NCAM1: variants seen among roughly 807,000 people sequenced by gnomAD.
NCAM1 encodes neural cell adhesion molecule 1.
Under a neutral mutation model 109.8 loss-of-function variants are expected in NCAM1, and 14 were observed. That is an observed-to-expected ratio of 0.13 (90% confidence interval 0.08 to 0.20). The LOEUF (loss-of-function observed/expected upper bound fraction) is 0.20, where lower values mean the gene tolerates loss of function less well. Among genes scored for constraint, NCAM1 ranks in the 10% least tolerant of loss-of-function variants. NCAM1 has a pLI of 1.00. For missense variants in NCAM1, 774 were observed against 1,109.9 expected, an observed-to-expected ratio of 0.70 and a Z score of 4.30; for synonymous variants, 418 against 442.9, an observed-to-expected ratio of 0.94 and a Z score of 0.70.
intron 1 of NCAM1, among the ~76,000 whole-genome samples, chr11:113,052,162 CA>C (rs150922311): frequency 0.01 from 1,529 of 152,236 alleles, 23 homozygotes; most frequent in African/African-American, 0.035. Context: ...TAATCGAATC[CA>C]ATCCTTAGCT....
chr11:113,170,911 G>A (rs782586044), intron 1 of NCAM1, among the ~76,000 whole-genome samples: 30 of 152,210 alleles, frequency 2.0e-4, no homozygotes, highest in African/African-American at 5.1e-4. Flanking sequence ...AATCTGAGCC[G>A]ATGTTGGTGT....
chr11:113,274,657 A>AG lies in NCAM1; in HGVS notation c.2457-608dup, dbSNP rs1180611872. On this transcript the variant is annotated intron_variant, in intron 19 of 19. Transcript: ENST00000316851. This position sits in a 1 kb window ranked among gnomAD's most constrained non-coding sequence, Gnocchi z 4.1. ...TGCCCTCAACTCTCGCATAGCCACC[A>AG]GGCCCACTCTAGTACCCCACCAGGC... Among the ~76,000 whole-genome samples the AG allele has an allele frequency of 6.6e-6, 1 of 152,176 alleles. No homozygotes were observed. Among genetic ancestry groups the AG allele is most frequent in the African/African-American group, 2.4e-5 (1 of 41,442 alleles).
intron 1 of NCAM1, among the ~76,000 whole-genome samples, chr11:113,155,305 G>A (rs1336599882): frequency 6.6e-6 from 1 of 152,016 alleles, no homozygotes; most frequent in Non-Finnish European, 1.5e-5. Flanking sequence ...ATCACTTGAG[G>A]TCATGAGTTC....
intron 9 of NCAM1, among the ~76,000 whole-genome samples, chr11:113,224,803 G>A (rs1944790888): frequency 6.6e-6 from 1 of 152,222 alleles, no homozygotes; most frequent in African/African-American, 2.4e-5. Context: ...AGCCTCCGCT[G>A]CTGATACCCA....
intron 1 of NCAM1, among the ~76,000 whole-genome samples, chr11:113,055,067 G>A (rs781320866): frequency 2.0e-5 from 3 of 152,116 alleles, no homozygotes; most frequent in Non-Finnish European, 4.4e-5. Flanking sequence ...GATTGCTGGC[G>A]CATGAAGCAC....
intron 18 of NCAM1, among the ~76,000 whole-genome samples, chr11:113,271,274 G>C (rs1946263823): frequency 6.6e-6 from 1 of 150,510 alleles, no homozygotes; most frequent in South Asian, 2.1e-4. Context: ...GGAGGCTGAG[G>C]CTGGAGAATC....
At chr11:113,057,766 G>T (rs1953763831) in intron 1 of NCAM1, among the ~76,000 whole-genome samples, 2 of 152,132 alleles carry the variant, frequency 1.3e-5, no homozygotes, top group Non-Finnish European at 2.9e-5. Context: ...AAAATAACAG[G>T]TTTACCATGG....
chr11:113,108,731 G>A (rs1430175434), intron 1 of NCAM1, among the ~76,000 whole-genome samples: 1 of 149,826 alleles, frequency 6.7e-6, no homozygotes, highest in Admixed American at 6.6e-5. Context: ...ATGGGGTAGG[G>A]TCCAGAGATG....
At chr11:113,251,058 C>T (rs537684512) in intron 15 of NCAM1, among the ~76,000 whole-genome samples, 1 of 152,356 alleles carries the variant, frequency 6.6e-6, no homozygotes, top group East Asian at 1.9e-4. Context: ...ACCTCAGCCT[C>T]CCAAAGTGCT....
intron 1 of NCAM1, among the ~76,000 whole-genome samples, chr11:113,181,071 G>T (rs1943315868): frequency 6.6e-6 from 1 of 152,224 alleles, no homozygotes; most frequent in Admixed American, 6.5e-5. Flanking sequence ...TGACTCTACT[G>T]CTGGGGCTTC....
rs139720434 is a variant in NCAM1, at chr11:113,014,595, A to G, written c.52+52931A>G. On this transcript the variant is annotated intron_variant, in intron 1 of 19. Transcript: ENST00000316851. ...GAATGCTGTAGTGAAACACAAAACT[A>G]TATGTTATAAACGTCAACATAAGAG... 1.3e-3 allele frequency among the ~76,000 whole-genome samples: 205 copies of G among 152,322 alleles called. 2 individuals are homozygous for G. The highest frequency in any genetic ancestry group is 4.8e-3 in the African/African-American group (200 of 41,552).
chr11:113,007,746 AACACT>A (rs1673301668), intron 1 of NCAM1, among the ~76,000 whole-genome samples: 1 of 152,220 alleles, frequency 6.6e-6, no homozygotes, highest in African/African-American at 2.4e-5. Context: ...ACAACAGTGA[AACACT>A]CTTACCAGAT....
At chr11:113,052,681 G>A (rs1953548459) in intron 1 of NCAM1, among the ~76,000 whole-genome samples, 1 of 152,270 alleles carries the variant, frequency 6.6e-6, no homozygotes, top group South Asian at 2.1e-4. Context: ...TAGATTTTCT[G>A]TTGTTTATTA....
intron 7 of NCAM1, among the ~76,000 whole-genome samples, chr11:113,209,186 A>G (rs1555113334): frequency 6.6e-6 from 1 of 152,242 alleles, no homozygotes; most frequent in East Asian, 1.9e-4. Flanking sequence ...TGGAGCCCCC[A>G]GGTCATTAAA....
At chr11:113,204,757 T>C (rs1275664951) in intron 3 of NCAM1, among the ~76,000 whole-genome samples, 5 of 152,176 alleles carry the variant, frequency 3.3e-5, no homozygotes, top group African/African-American at 9.7e-5. Context: ...CTATTACGGG[T>C]TTCTCTATCC....
chr11:113,048,406 C>T (rs782491153), intron 1 of NCAM1, among the ~76,000 whole-genome samples: 3 of 152,282 alleles, frequency 2.0e-5, no homozygotes, highest in African/African-American at 7.2e-5. Context: ...TCTAGTCCAC[C>T]GTAGAATTCG....
At chr11:113,001,214 C>A (rs1055129530) in intron 1 of NCAM1, among the ~76,000 whole-genome samples, 2 of 152,084 alleles carry the variant, frequency 1.3e-5, no homozygotes, top group African/African-American at 4.8e-5. Context: ...GATAGTATGT[C>A]CCCCACACAG....
chr11:113,090,271 T>G, intron 1 of NCAM1, among the ~76,000 whole-genome samples: 1 of 152,232 alleles, frequency 6.6e-6, no homozygotes, highest in Admixed American at 6.5e-5. Flanking sequence ...TGACTTTGTC[T>G]TGCATGAATT....
chr11:113,177,969 T>G (rs1439782011), intron 1 of NCAM1, among the ~76,000 whole-genome samples: 1 of 151,126 alleles, frequency 6.6e-6, no homozygotes, highest in Non-Finnish European at 1.5e-5. Flanking sequence ...TAGAGGAGAG[T>G]GGGTGGGAGG....
Sources: allele counts gnomAD v4.1 joint callset (sites outside exome capture counted in the v4.1 genomes callset), GRCh38; gene constraint gnomAD v4.1.1; non-coding constraint Gnocchi (gnomAD v3.1); transcripts MANE v1.5; gene names NCBI Gene and HGNC (gene_info 2026-07-23, HGNC 2026-07-21).